Variants in PLEKHD1 observed in about 807,000 individuals in gnomAD.
The protein encoded by PLEKHD1 is pleckstrin homology and coiled-coil domain containing D1, also known as pleckstrin homology domain-containing family D member 1.
PLEKHD1 carries 51 observed loss-of-function variants against 69.2 expected under a neutral mutation model. That is an observed-to-expected ratio of 0.74 (90% confidence interval 0.59 to 0.93). The LOEUF (loss-of-function observed/expected upper bound fraction) is 0.93. Ranked by LOEUF, PLEKHD1 falls within the 40% of genes least tolerant of loss-of-function variation. The pLI is 0.00. For missense variants in PLEKHD1, 584 were observed against 641.0 expected, an observed-to-expected ratio of 0.91 and a Z score of 0.96; for synonymous variants, 236 against 244.7, an observed-to-expected ratio of 0.96 and a Z score of 0.33.
chr14:69,502,090 C>A (rs981532994), intron 5 of PLEKHD1: 10 of 329,094 alleles, frequency 3.0e-5, no homozygotes, highest in Non-Finnish European at 5.6e-5. Flanking sequence ...CTGTGTATAT[C>A]TTTAGGCAGC....
At chr14:69,484,397 C>A (rs1466528860), upstream of PLEKHD1, among the ~76,000 whole-genome samples, 1 of 152,216 alleles carries the variant, frequency 6.6e-6, no homozygotes, top group African/African-American at 2.4e-5. Context: ...CCTCCAACCC[C>A]ATTGCAAAGC....
At chr14:69,519,145 C>T (rs1883452589) in intron 6 of PLEKHD1, among the ~76,000 whole-genome samples, 1 of 152,074 alleles carries the variant, frequency 6.6e-6, no homozygotes, top group Admixed American at 6.6e-5. Flanking sequence ...AGAACGCTCT[C>T]ATTGAAGCCC....
At chr14:69,501,933 C>T (rs530883161) in intron 5 of PLEKHD1, 108 bp downstream of exon 5, 1 of 1,009,720 alleles carries the variant, frequency 9.9e-7, no homozygotes, top group Non-Finnish European at 1.4e-6. Context: ...TCAGGTGGGG[C>T]TATGAGGGAA....
chr14:69,518,042 G>A (rs537100941), intron 6 of PLEKHD1, among the ~76,000 whole-genome samples: 35 of 102,262 alleles, frequency 3.4e-4, no homozygotes, highest in African/African-American at 9.4e-4. Flanking sequence ...TTGTTTGTTT[G>A]TTTGTTTGAG....
At chr14:69,467,852 T>G in the PLEKHD1 span, among the ~76,000 whole-genome samples, 1 of 152,226 alleles carries the variant, frequency 6.6e-6, no homozygotes, top group Non-Finnish European at 1.5e-5. Flanking sequence ...AAATCTCAAC[T>G]ATTTGTGAAC....
At chr14:69,480,963 G>A (rs1278631839), upstream of PLEKHD1, among the ~76,000 whole-genome samples, 1 of 152,208 alleles carries the variant, frequency 6.6e-6, no homozygotes, top group Non-Finnish European at 1.5e-5. Flanking sequence ...TGAAATATAA[G>A]ATTGAAGAGA....
intron 6 of PLEKHD1, among the ~76,000 whole-genome samples, chr14:69,517,014 G>C (rs1222342519): frequency 6.6e-6 from 1 of 152,196 alleles, no homozygotes; most frequent in African/African-American, 2.4e-5. Context: ...GGGCCAGAAA[G>C]AGTGCAAAGA....
At chr14:69,501,010 T>C (rs1883013291) in intron 4 of PLEKHD1, 63 bp downstream of exon 4, 1 of 1,461,594 alleles carries the variant, frequency 6.8e-7, no homozygotes. Context: ...GGGCTGCCCC[T>C]GAACTCCCTG....
At chr14:69,509,210 C>T (rs1347081293) in intron 6 of PLEKHD1, among the ~76,000 whole-genome samples, 1 of 152,104 alleles carries the variant, frequency 6.6e-6, no homozygotes, top group East Asian at 1.9e-4. Flanking sequence ...GTCTTTTGCC[C>T]ATTTTTTTAT....
intron 8 of PLEKHD1, among the ~76,000 whole-genome samples, chr14:69,525,431 G>A (rs1883620883): frequency 6.6e-6 from 1 of 152,056 alleles, no homozygotes; most frequent in Non-Finnish European, 1.5e-5. Context: ...TAATGCCATT[G>A]AGTACAAGAT....
At position 69,524,301 on chromosome 14, in the gene PLEKHD1, G is replaced by A. The variant is rs1369986938; in HGVS notation, c.723G>A (p.Glu241=). 6.4e-7 allele frequency: 1 copy of A among 1,551,618 alleles called. No homozygotes were observed. Among genetic ancestry groups the A allele is most frequent in the Non-Finnish European group, 8.7e-7 (1 of 1,146,956 alleles). Residue 241 remains glutamate (E), a synonymous_variant, in exon 8 of 13, where the codon GAG becomes GAA. Transcript: ENST00000322564. The stretch of plus-strand genomic sequence containing the variant: ...AAAAGGAACTGAGGCACCTCACGGA[G>A]TCCTTGCAGCAGACACTGGAGGTGA... ...QEKKELRHLT[E]SLQQTLEELS...
intron 1 of PLEKHD1, among the ~76,000 whole-genome samples, chr14:69,497,683 C>T (rs1358600583): frequency 6.6e-6 from 1 of 152,208 alleles, no homozygotes; most frequent in Non-Finnish European, 1.5e-5. Context: ...GAAGGGCAGA[C>T]ATGGCAGGAA....
the PLEKHD1 span, among the ~76,000 whole-genome samples, chr14:69,474,266 A>G: frequency 6.6e-6 from 1 of 152,200 alleles, no homozygotes; most frequent in South Asian, 2.1e-4. Flanking sequence ...ACTAAAGATA[A>G]TATCTTACCA....
At chr14:69,518,353 A>G (rs1883434406) in intron 6 of PLEKHD1, among the ~76,000 whole-genome samples, 1 of 152,054 alleles carries the variant, frequency 6.6e-6, no homozygotes, top group South Asian at 2.1e-4. Context: ...GATTTTATTA[A>G]TAGTTGCACT....
intron 1 of PLEKHD1, among the ~76,000 whole-genome samples, chr14:69,488,865 G>A (rs1164078034): frequency 2.6e-5 from 4 of 152,180 alleles, no homozygotes; most frequent in African/African-American, 9.7e-5. Context: ...GCAGGGGGAA[G>A]GTGCCTTTTC....
chr14:69,498,298 C>A (rs1283651385), intron 1 of PLEKHD1, among the ~76,000 whole-genome samples: 2 of 152,120 alleles, frequency 1.3e-5, no homozygotes, highest in Middle Eastern at 3.4e-3. Flanking sequence ...AGGCTTGTCT[C>A]AAACTCCTGA....
intron 10 of PLEKHD1, 123 bp downstream of exon 10, chr14:69,526,952 G>T: frequency 7.3e-7 from 1 of 1,365,484 alleles, no homozygotes; most frequent in Non-Finnish European, 9.7e-7. Flanking sequence ...AGCCAGGCAT[G>T]GGGGATGGAG....
chr14:69,523,578 C>T (rs751163108), intron 7 of PLEKHD1, among the ~76,000 whole-genome samples: 9 of 152,156 alleles, frequency 5.9e-5, no homozygotes, highest in Non-Finnish European at 7.4e-5. Flanking sequence ...GGAAACCAGA[C>T]TCATACCCAG....
chr14:69,481,655 C>A (rs942002770), upstream of PLEKHD1, among the ~76,000 whole-genome samples: 1 of 152,164 alleles, frequency 6.6e-6, no homozygotes, highest in African/African-American at 2.4e-5. Flanking sequence ...CTTACGTAGA[C>A]AACGCTTTTG....
Sources: gnomAD v4.1 joint callset for allele counts (sites outside exome capture counted in the v4.1 genomes callset) on GRCh38, gnomAD v4.1.1 for gene constraint, MANE v1.5 for transcripts, NCBI Gene and HGNC (gene_info 2026-07-23, HGNC 2026-07-21) for gene names.